The following GALNT17 variants were observed in gnomAD, a reference collection of about 807,000 sequenced individuals.
GALNT17 encodes UDP-GalNAc:polypeptide N-acetylgalactosaminyltransferase-like 3.
Under a neutral mutation model 63.7 loss-of-function variants are expected in GALNT17, and 29 were observed. The ratio of observed to expected loss-of-function variants is 0.46; its 90% CI spans 0.34 to 0.62. The LOEUF (loss-of-function observed/expected upper bound fraction) is 0.62, where lower values mean the gene tolerates loss of function less well. GALNT17 is among the 20% of genes least tolerant of loss of function. GALNT17 has a pLI of 0.01. For missense variants in GALNT17, 603 were observed against 799.6 expected (o/e 0.75, Z 2.97); for synonymous variants, 305 against 318.3 (o/e 0.96, Z 0.45).
chr7:71,465,539 CTT>C (rs957624609), intron 5 of GALNT17, among the ~76,000 whole-genome samples: 2 of 152,196 alleles, frequency 1.3e-5, no homozygotes, highest in Admixed American at 1.3e-4. Flanking sequence ...TTTCTATAGA[CTT>C]TGATCTCTCC....
At position 71,238,555 on chromosome 7, in the gene GALNT17, T is replaced by TC. The variant is rs1562939128; in HGVS notation, c.239-96995_239-96994insC. Reference sequence around the variant, plus strand: ...GTCTGTGTTCAGTATTTATTATAAATGATGGGCTAAATATTGAAAGGTGGG... The same window carrying TC: ...GTCTGTGTTCAGTATTTATTATAAATCGATGGGCTAAATATTGAAAGGTGGG... On this transcript the variant is annotated intron_variant, in intron 1 of 10. Transcript: ENST00000333538. 2.0e-5 allele frequency among the ~76,000 whole-genome samples: 3 copies of TC among 152,264 alleles called. No homozygotes were observed. In the East Asian group the frequency reaches 5.8e-4, roughly 29 times the overall value.
chr7:71,214,856 G>T (rs1401531232), intron 1 of GALNT17, among the ~76,000 whole-genome samples: 2 of 152,164 alleles, frequency 1.3e-5, no homozygotes, highest in Admixed American at 6.5e-5. Context: ...GGGATTACAG[G>T]CGTGAGCCAC....
intron 1 of GALNT17, among the ~76,000 whole-genome samples, chr7:71,304,797 T>C (rs1791259990): frequency 6.6e-6 from 1 of 152,104 alleles, no homozygotes; most frequent in South Asian, 2.1e-4. Flanking sequence ...TTGCCCAGGC[T>C]GGAGTGCAAT....
chr7:71,623,519 G>T (rs1394906997), intron 6 of GALNT17, among the ~76,000 whole-genome samples: 1 of 152,086 alleles, frequency 6.6e-6, no homozygotes, highest in East Asian at 1.9e-4. Context: ...CTGGGCTCAA[G>T]TGATTCTCCT....
chr7:71,326,123 G>GA (rs35011425), intron 1 of GALNT17, among the ~76,000 whole-genome samples: 25 of 150,938 alleles, frequency 1.7e-4, no homozygotes, highest in African/African-American at 4.4e-4. Context: ...TTGTGTTGCA[G>GA]AAAAAAAAAT....
chr7:71,493,671 CACA>C (rs1788047893), intron 5 of GALNT17, among the ~76,000 whole-genome samples: 1 of 152,112 alleles, frequency 6.6e-6, no homozygotes, highest in Non-Finnish European at 1.5e-5. Context: ...TGGTCCCTCC[CACA>C]ACATGTGAGA....
chr7:71,215,062 A>G (rs1437891093), intron 1 of GALNT17, among the ~76,000 whole-genome samples: 2 of 152,136 alleles, frequency 1.3e-5, no homozygotes, highest in East Asian at 3.9e-4. Context: ...TTGTCTTATC[A>G]TTTTATCCTA....
intron 5 of GALNT17, among the ~76,000 whole-genome samples, chr7:71,518,295 C>T (rs2116743362): frequency 6.6e-6 from 1 of 152,314 alleles, no homozygotes; most frequent in South Asian, 2.1e-4. Context: ...CTGTACATTT[C>T]CTGTTTCCCT....
At chr7:71,177,480 A>C (rs760133857) in intron 1 of GALNT17, among the ~76,000 whole-genome samples, 6 of 152,284 alleles carry the variant, frequency 3.9e-5, no homozygotes, top group Non-Finnish European at 7.4e-5. Context: ...GTACTCAAAC[A>C]ACAATTCAAG....
chr7:71,351,823 AG>A (rs1359809989), intron 2 of GALNT17, among the ~76,000 whole-genome samples: 7 of 152,176 alleles, frequency 4.6e-5, no homozygotes, highest in African/African-American at 1.7e-4. Flanking sequence ...CAGATATTAA[AG>A]GTCATGGTAG....
intron 9 of GALNT17, among the ~76,000 whole-genome samples, chr7:71,694,552 C>T (rs572360305): frequency 4.6e-5 from 7 of 152,062 alleles, no homozygotes; most frequent in African/African-American, 1.7e-4. Context: ...TGCACCACCA[C>T]GTTCAGTTAA....
chr7:71,549,865 C>A (rs189174690), intron 5 of GALNT17, among the ~76,000 whole-genome samples: 2 of 151,770 alleles, frequency 1.3e-5, no homozygotes, highest in Admixed American at 6.6e-5. Flanking sequence ...AAAGTAGATT[C>A]TCTCCGTAAA....
chr7:71,700,560 T>C lies in GALNT17; in HGVS notation c.1501-10201T>C, dbSNP rs962877561. Among the ~76,000 whole-genome samples the C allele has an allele frequency of 2.6e-5, 4 of 151,858 alleles. No individual in the cohort carries two copies. The East Asian group carries it at 7.8e-4, about 29-fold the overall frequency. ...GAGTCTCACCTGCACTAGACCCAGC[T>C]CCCCCACCTCTATACTCCATCATGG... On this transcript the variant is annotated intron_variant, in intron 9 of 10. Transcript: ENST00000333538.
At chr7:71,155,306 C>G (rs1173510904) in intron 1 of GALNT17, among the ~76,000 whole-genome samples, 1 of 151,754 alleles carries the variant, frequency 6.6e-6, no homozygotes, top group Non-Finnish European at 1.5e-5. Flanking sequence ...CAGGGTCTCA[C>G]TCCGTTGCCC....
chr7:71,583,954 C>T (rs1286174835), intron 6 of GALNT17, among the ~76,000 whole-genome samples: 4 of 144,380 alleles, frequency 2.8e-5, no homozygotes, highest in Non-Finnish European at 6.1e-5. Flanking sequence ...GAAACCCCGT[C>T]TCTACTGAAA....
chr7:71,377,104 AAATAAAAAAAAT>A (rs1792748487), intron 2 of GALNT17, among the ~76,000 whole-genome samples: 2 of 56,288 alleles, frequency 3.6e-5, no homozygotes, highest in African/African-American at 9.6e-5. Context: ...AAAAAAATAA[AAATAAAAAAAAT>A]ATATATATAT....
rs59163644 is a variant in GALNT17 at position 71,148,860 on chromosome 7, T to TTATATATATATATATA, written c.238+15838_238+15853dup. Among the ~76,000 whole-genome samples the TTATATATATATATATA allele has an allele frequency of 1.9e-3, 201 of 103,114 alleles. 1 individual carries two copies. Among genetic ancestry groups the TTATATATATATATATA allele is most frequent in the African/African-American group, 3.2e-3 (81 of 25,406 alleles). The allele number at this position is 103,114 out of a possible 152,430, so 67.6% of individuals were successfully genotyped here. A position where few individuals can be genotyped will look rare whatever the true frequency, so the allele number is the denominator to read the frequency against. ...GAAATACAGTAGTATTATGGTATTT[T>TTATATATATATATATA]TATATATATATATATATATATATAT... On this transcript the variant is annotated intron_variant, in intron 1 of 10. Transcript: ENST00000333538.
intron 3 of GALNT17, among the ~76,000 whole-genome samples, chr7:71,391,651 TTATATA>T (rs200282756): frequency 6.6e-6 from 1 of 151,668 alleles, no homozygotes; most frequent in African/African-American, 2.4e-5. Flanking sequence ...CCTAGCTAAT[TTATATA>T]TATATTTTTT....
intron 3 of GALNT17, among the ~76,000 whole-genome samples, chr7:71,394,424 G>GC (rs1396733654): frequency 3.9e-5 from 6 of 152,064 alleles, no homozygotes; most frequent in Admixed American, 3.9e-4. Context: ...ATATCACTCG[G>GC]CCCCCTCCCT....
Sources: allele counts gnomAD v4.1 joint callset (sites outside exome capture counted in the v4.1 genomes callset), GRCh38; gene constraint gnomAD v4.1.1; transcripts MANE v1.5; gene names NCBI Gene and HGNC (gene_info 2026-07-23, HGNC 2026-07-21).